The following SEMA3D variants were observed in gnomAD, a reference collection of about 807,000 sequenced individuals.
The protein encoded by SEMA3D is semaphorin-3D.
A neutral mutation model predicts 100.1 loss-of-function variants in SEMA3D; 84 were observed. The ratio of observed to expected loss-of-function variants is 0.84; its 90% CI spans 0.70 to 1.01. The LOEUF is 1.01. Ranked by LOEUF, SEMA3D falls within the 50% of genes least tolerant of loss-of-function variation. SEMA3D has a pLI of 0.00. For missense variants in SEMA3D, 875 were observed against 934.1 expected, an observed-to-expected ratio of 0.94 and a Z score of 0.82; for synonymous variants, 312 against 320.7, an observed-to-expected ratio of 0.97 and a Z score of 0.29.
chr7:84,998,534 T>C lies in SEMA3D; in HGVS notation c.*906A>G, dbSNP rs767262386. 6.6e-6 allele frequency: 1 copy of C among 152,140 alleles called. No homozygotes were observed. Among genetic ancestry groups the C allele is most frequent in the Non-Finnish European group, 1.5e-5 (1 of 67,996 alleles). The allele number at this position is 152,140 out of a possible 1,614,324, so 9.4% of individuals were successfully genotyped here. On this transcript the variant is annotated 3_prime_UTR_variant, in exon 19 of 19. Transcript: ENST00000284136. ...ATTACTCTCACTTTATTTGTGATTG[T>C]TCTTCCTTTTCATGGGGATATGAGT... is the stretch of plus-strand genomic sequence containing the variant.
chr7:85,044,915 A>C (rs1790964317), intron 9 of SEMA3D, among the ~76,000 whole-genome samples: 1 of 151,990 alleles, frequency 6.6e-6, no homozygotes. Context: ...CCTCTACTCA[A>C]CTCCCAATAT....
chr7:85,146,950 A>T (rs992320192), intron 2 of SEMA3D, among the ~76,000 whole-genome samples: 1 of 152,094 alleles, frequency 6.6e-6, no homozygotes, highest in African/African-American at 2.4e-5. Flanking sequence ...AGGAGGAAGT[A>T]AGTGAACCGG....
At chr7:85,156,742 C>A (rs2116505598) in intron 1 of SEMA3D, among the ~76,000 whole-genome samples, 1 of 152,204 alleles carries the variant, frequency 6.6e-6, no homozygotes, top group South Asian at 2.1e-4. Flanking sequence ...AAAAAGTAAT[C>A]TTTTAAACAG....
rs1381622625 is a variant in SEMA3D, at chr7:85,065,448, T to C, written c.694A>G (p.Ile232Val). The C allele has an allele frequency of 7.4e-6, 12 of 1,613,266 alleles. No homozygotes were observed. Among genetic ancestry groups the C allele is most frequent in the Admixed American group, 3.3e-5 (2 of 59,896 alleles). ...CCATTGAGCCAGTAGTGCTCTGAAATGTCAGTTCTGATGTAGTGGTGGTCA... is the reference window on the plus strand; with the variant it reads ...CCATTGAGCCAGTAGTGCTCTGAAACGTCAGTTCTGATGTAGTGGTGGTCA... ...THDHHYIRTDISEHYWLNGAK... is the reference protein window; with the variant it reads ...THDHHYIRTDVSEHYWLNGAK... Residue 232 changes from isoleucine to valine, a missense_variant, in exon 8 of 19, where the codon ATT becomes GTT. Ile to Val is a conservative substitution (Grantham distance 29). Coordinates refer to ENST00000284136, the MANE Select transcript of SEMA3D (RefSeq NM_001384900.1).
chr7:85,188,905 G>A (rs565213923), upstream of SEMA3D, among the ~76,000 whole-genome samples: 4 of 152,068 alleles, frequency 2.6e-5, no homozygotes, highest in East Asian at 5.8e-4. Context: ...ATTATAATTA[G>A]TTATGCATGT....
At chr7:85,073,221 C>A (rs1791826159) in intron 5 of SEMA3D, 140 bp from the exon 6 acceptor site, 2 of 780,750 alleles carry the variant, frequency 2.6e-6, no homozygotes, top group East Asian at 5.3e-5. Flanking sequence ...AAATTCTAGA[C>A]ATCTGTTGTA....
At chr7:85,188,057 A>G (rs1310895003), upstream of SEMA3D, among the ~76,000 whole-genome samples, 1 of 152,190 alleles carries the variant, frequency 6.6e-6, no homozygotes, top group Non-Finnish European at 1.5e-5. Context: ...TAGGGTCCCA[A>G]AGCTTCCTTA....
At chr7:85,224,760 T>C in the SEMA3D span, among the ~76,000 whole-genome samples, 3 of 151,974 alleles carry the variant, frequency 2.0e-5, no homozygotes, top group Admixed American at 6.6e-5. Flanking sequence ...CAAATAAAGT[T>C]GGCAAAACAG....
chr7:85,110,431 T>C (rs1391956004), intron 3 of SEMA3D, among the ~76,000 whole-genome samples: 1 of 151,938 alleles, frequency 6.6e-6, no homozygotes, highest in Non-Finnish European at 1.5e-5. Context: ...GGATTTCTGT[T>C]TCCAAATCTT....
intron 10 of SEMA3D, 35 bp from the exon 11 acceptor site, chr7:85,040,777 T>G: frequency 1.0e-6 from 1 of 972,950 alleles, no homozygotes; most frequent in Non-Finnish European, 1.6e-6. Context: ...TTACTCTTAT[T>G]TTTCAGTATT....
chr7:85,147,092 C>CTTTTCTTTTTTTTTTTTTTTTTT (rs1165953881), intron 2 of SEMA3D, among the ~76,000 whole-genome samples: 22 of 48,182 alleles, frequency 4.6e-4, no homozygotes, highest in Non-Finnish European at 7.5e-4. Flanking sequence ...TTTTTCTTTT[C>CTTTTCTTTTTTTTTTTTTTTTTT]TTTTTTTTTT....
chr7:85,222,174 C>T, the SEMA3D span, among the ~76,000 whole-genome samples: 1 of 151,936 alleles, frequency 6.6e-6, no homozygotes, highest in South Asian at 2.1e-4. Context: ...CATTTACTAA[C>T]CCTGAGAAGT....
the SEMA3D span, among the ~76,000 whole-genome samples, chr7:85,219,828 A>G: frequency 6.6e-6 from 1 of 152,130 alleles, no homozygotes; most frequent in East Asian, 1.9e-4. Flanking sequence ...AAACTTTATG[A>G]AAGAAAAATC....
At chr7:85,211,832 A>C in the SEMA3D span, among the ~76,000 whole-genome samples, 3 of 152,122 alleles carry the variant, frequency 2.0e-5, no homozygotes, top group Non-Finnish European at 4.4e-5. Flanking sequence ...TATCTTCCTT[A>C]TAATTTTAAA....
At chr7:85,009,178 TC>T (rs1789883796) in intron 17 of SEMA3D, among the ~76,000 whole-genome samples, 1 of 151,658 alleles carries the variant, frequency 6.6e-6, no homozygotes, top group South Asian at 2.1e-4. Flanking sequence ...AGTTTTTTTT[TC>T]CTCTAGATTG....
chr7:85,107,994 A>G (rs1788981807), intron 3 of SEMA3D, among the ~76,000 whole-genome samples: 1 of 152,072 alleles, frequency 6.6e-6, no homozygotes, highest in South Asian at 2.1e-4. Context: ...GGTCAATTTC[A>G]TGATGAAAAT....
chr7:85,098,541 A>C (rs1788644304), intron 3 of SEMA3D, among the ~76,000 whole-genome samples: 1 of 151,802 alleles, frequency 6.6e-6, no homozygotes, highest in Admixed American at 6.6e-5. Flanking sequence ...GAGCGGTTTT[A>C]GGCTTATAGC....
chr7:85,048,364 A>G (rs1791066437), intron 9 of SEMA3D, among the ~76,000 whole-genome samples: 1 of 151,788 alleles, frequency 6.6e-6, no homozygotes, highest in Non-Finnish European at 1.5e-5. Flanking sequence ...GGCTGTATAA[A>G]TAAATAATAA....
chr7:85,221,118 A>G, the SEMA3D span, among the ~76,000 whole-genome samples: 1 of 152,072 alleles, frequency 6.6e-6, no homozygotes, highest in African/African-American at 2.4e-5. Context: ...ATCCCATTGA[A>G]CCACTAGGAA....
Sources: allele counts gnomAD v4.1 joint callset (sites outside exome capture counted in the v4.1 genomes callset), GRCh38; gene constraint gnomAD v4.1.1; transcripts MANE v1.5; gene names NCBI Gene and HGNC (gene_info 2026-07-23, HGNC 2026-07-21).